Variants in GRIN2B observed in about 807,000 individuals in gnomAD.
GRIN2B encodes the protein glutamate receptor ionotropic, NMDA 2B.
Under a neutral mutation model 114.5 loss-of-function variants are expected in GRIN2B, and 5 were observed. The observed-to-expected ratio is 0.04, with a 90% CI of 0.02 to 0.09. The LOEUF (loss-of-function observed/expected upper bound fraction) is 0.09, where lower values mean the gene tolerates loss of function less well. Ranked by LOEUF, GRIN2B falls within the 10% of genes least tolerant of loss-of-function variation. The probability of loss-of-function intolerance (pLI) is 1.00; values close to 1 mark genes in which losing one functional copy is unlikely to be tolerated. For missense variants in GRIN2B, 1,108 were observed against 1,943.5 expected, an observed-to-expected ratio of 0.57 and a Z score of 8.08; for synonymous variants, 787 against 745.1, an observed-to-expected ratio of 1.06 and a Z score of -0.92.
chr12:13,552,390 A>AC lies in GRIN2B; in HGVS notation c.*10392dup, dbSNP rs1948424181. 6.6e-6 allele frequency: 1 copy of AC among 152,178 alleles called. No homozygotes were observed. Among genetic ancestry groups the AC allele is most frequent in the Admixed American group, 6.5e-5 (1 of 15,272 alleles). The allele number at this position is 152,178 out of a possible 1,614,324, so 9.4% of individuals were successfully genotyped here. The stretch of plus-strand genomic sequence containing the variant: ...CATTGAAGCCAGTAACCAAGGGGGA[A>AC]CCATGTGCCTCACATGTCAGCTTCT... On this transcript the variant is annotated 3_prime_UTR_variant, in exon 14 of 14. Coordinates refer to ENST00000609686, the MANE Select transcript of GRIN2B (RefSeq NM_000834.5).
intron 1 of GRIN2B, among the ~76,000 whole-genome samples, chr12:13,980,772 T>G (rs1591652079): frequency 6.6e-6 from 1 of 152,290 alleles, no homozygotes; most frequent in South Asian, 2.1e-4. Flanking sequence ...GCTGCTGACT[T>G]GTCTCGCTCG....
rs1491431632 is a variant in GRIN2B at position 13,562,302 on chromosome 12, T to TTTCCTTTCACAAGC, written c.*467_*480dup. 6.1e-6 allele frequency: 1 copy of TTTCCTTTCACAAGC among 163,624 alleles called. No homozygotes were observed. Among genetic ancestry groups the TTTCCTTTCACAAGC allele is most frequent in the African/African-American group, 2.4e-5 (1 of 41,596 alleles). The allele number at this position is 163,624 out of a possible 1,614,324, so 10.1% of individuals were successfully genotyped here. On this transcript the variant is annotated 3_prime_UTR_variant, in exon 14 of 14. Transcript: ENST00000609686. ...GCAGCATGAATTTAGCCAGAGCCTC[T>TTTCCTTTCACAAGC]TTCCTTTCACAAGCAGTGTGCTAAA...
At chr12:13,694,428 T>C (rs1419401645) in intron 4 of GRIN2B, among the ~76,000 whole-genome samples, 1 of 151,814 alleles carries the variant, frequency 6.6e-6, no homozygotes, top group African/African-American at 2.4e-5. Context: ...GTAAGAAAAG[T>C]CATCATTCTT....
intron 4 of GRIN2B, among the ~76,000 whole-genome samples, chr12:13,699,227 A>C (rs1241789924): frequency 6.6e-6 from 1 of 152,110 alleles, no homozygotes; most frequent in Non-Finnish European, 1.5e-5. Flanking sequence ...TGCCTTGGGA[A>C]AGTTGGCTTC....
At chr12:13,938,403 C>A (rs965582726) in intron 2 of GRIN2B, among the ~76,000 whole-genome samples, 1 of 152,074 alleles carries the variant, frequency 6.6e-6, no homozygotes. Flanking sequence ...CTACATGATC[C>A]AGCAATTCTA....
intron 3 of GRIN2B, among the ~76,000 whole-genome samples, chr12:13,853,146 C>A (rs2136730382): frequency 6.6e-6 from 1 of 152,302 alleles, no homozygotes; most frequent in East Asian, 1.9e-4. Flanking sequence ...AAATAGCTCA[C>A]AATACCTCTT....
At chr12:13,634,821 C>T (rs951211398) in intron 5 of GRIN2B, among the ~76,000 whole-genome samples, 7 of 152,186 alleles carry the variant, frequency 4.6e-5, no homozygotes, top group African/African-American at 1.4e-4. Context: ...ACAGTAACTT[C>T]TGAAGATCCT....
At chr12:13,768,381 C>T (rs1863839967) in intron 3 of GRIN2B, among the ~76,000 whole-genome samples, 1 of 152,180 alleles carries the variant, frequency 6.6e-6, no homozygotes. Flanking sequence ...GAAAGAATGG[C>T]AAGTCTTTCA....
intron 4 of GRIN2B, among the ~76,000 whole-genome samples, chr12:13,719,271 C>T (rs535731734): frequency 9.9e-5 from 15 of 152,166 alleles, no homozygotes; most frequent in African/African-American, 2.2e-4. Context: ...ACAGTGCATT[C>T]GGTCACTCAT....
chr12:13,656,394 C>T (rs762018736), intron 5 of GRIN2B, among the ~76,000 whole-genome samples: 7 of 152,070 alleles, frequency 4.6e-5, no homozygotes, highest in Non-Finnish European at 7.4e-5. Context: ...TCTGTGTGCA[C>T]GTAACCATGA....
chr12:13,891,299 T>C, intron 2 of GRIN2B, among the ~76,000 whole-genome samples: 1 of 152,046 alleles, frequency 6.6e-6, no homozygotes, highest in East Asian at 1.9e-4. Context: ...AGGAAGAACA[T>C]CTTCCTTGCA....
chr12:13,824,897 T>C (rs1231138290), intron 3 of GRIN2B, among the ~76,000 whole-genome samples: 1 of 151,250 alleles, frequency 6.6e-6, no homozygotes, highest in Non-Finnish European at 1.5e-5. Context: ...TAGGTTTTAC[T>C]GATTTTCTTT....
At chr12:13,758,799 T>A (rs1393538495) in intron 3 of GRIN2B, among the ~76,000 whole-genome samples, 2 of 152,216 alleles carry the variant, frequency 1.3e-5, no homozygotes, top group Non-Finnish European at 1.5e-5. Flanking sequence ...TCCGTCATCA[T>A]ACTTACACAG....
At chr12:13,949,031 C>T (rs1867423728) in intron 2 of GRIN2B, among the ~76,000 whole-genome samples, 1 of 152,144 alleles carries the variant, frequency 6.6e-6, no homozygotes, top group South Asian at 2.1e-4. Flanking sequence ...ATCACAAGTC[C>T]TCAGCAGGGG....
intron 10 of GRIN2B, among the ~76,000 whole-genome samples, chr12:13,590,654 GGCATTTAGGT>G (rs1338054290): frequency 1.4e-4 from 21 of 152,088 alleles, no homozygotes; most frequent in African/African-American, 5.1e-4. Flanking sequence ...ATCATTGATG[GGCATTTAGGT>G]TGGTTCCAAG....
At position 13,758,998 on chromosome 12, in the gene GRIN2B, A is replaced by ATTTTT. The variant is rs5796560; in HGVS notation, c.412-5088_412-5084dup. Among the ~76,000 whole-genome samples, 16 of 85,624 alleles carry ATTTTT rather than the reference A, an allele frequency of 1.9e-4. 1 individual carries two copies. The highest frequency in any genetic ancestry group is 6.9e-4 in the African/African-American group (14 of 20,374). The allele number at this position is 85,624 out of a possible 152,430, so 56.2% of individuals were successfully genotyped here. ...GAATTTGATGATCTCATCTAGTTCA[A>ATTTTT]TTTTTTTTTTTTTTTTTTTTTTTTT... On this transcript the variant is annotated intron_variant, in intron 3 of 13. Coordinates refer to ENST00000609686, the MANE Select transcript of GRIN2B (RefSeq NM_000834.5).
intron 2 of GRIN2B, among the ~76,000 whole-genome samples, chr12:13,873,250 G>C (rs1294574482): frequency 3.9e-5 from 6 of 152,206 alleles, no homozygotes; most frequent in Admixed American, 3.9e-4. Context: ...AAGTGATCTT[G>C]ACTCAGAATG....
intron 2 of GRIN2B, among the ~76,000 whole-genome samples, chr12:13,869,139 AC>A (rs1865868304): frequency 6.6e-6 from 1 of 151,886 alleles, no homozygotes; most frequent in South Asian, 2.1e-4. Flanking sequence ...GTGTCCACCT[AC>A]TTTAACTAGT....
chr12:13,926,960 GAA>G (rs55736068), intron 2 of GRIN2B, among the ~76,000 whole-genome samples: 3 of 142,422 alleles, frequency 2.1e-5, no homozygotes, highest in African/African-American at 7.8e-5. Context: ...TCAAAAAAAA[GAA>G]AAAAAAAAAA....
Sources: allele counts gnomAD v4.1 joint callset (sites outside exome capture counted in the v4.1 genomes callset), GRCh38; gene constraint gnomAD v4.1.1; transcripts MANE v1.5; gene names NCBI Gene and HGNC (gene_info 2026-07-23, HGNC 2026-07-21).